Variants in CPSF4 observed in about 807,000 individuals in gnomAD.
The protein encoded by CPSF4 is cleavage and polyadenylation specificity factor subunit 4.
Under a neutral mutation model 37.7 loss-of-function variants are expected in CPSF4, and 11 were observed. The ratio of observed to expected loss-of-function variants is 0.29; its 90% CI spans 0.18 to 0.48. CPSF4 has a LOEUF of 0.48. Ranked by LOEUF, CPSF4 falls within the 20% of genes least tolerant of loss-of-function variation. The probability of loss-of-function intolerance (pLI) is 0.99; values close to 1 mark genes in which losing one functional copy is unlikely to be tolerated. For missense variants in CPSF4, 144 were observed against 359.5 expected (o/e 0.40, Z 4.85); for synonymous variants, 132 against 135.9 (o/e 0.97, Z 0.20).
intron 7 of CPSF4, among the ~76,000 whole-genome samples, chr7:99,455,537 T>G (rs1416421789): frequency 2.6e-5 from 4 of 152,136 alleles, no homozygotes; most frequent in African/African-American, 9.7e-5. Context: ...AAACAGGAAT[T>G]GCAGAGCCAG....
intron 2 of CPSF4, among the ~76,000 whole-genome samples, chr7:99,446,081 A>G (rs1351816106): frequency 2.0e-5 from 3 of 152,216 alleles, no homozygotes; most frequent in African/African-American, 4.8e-5. Context: ...TTTTGCTTCT[A>G]TAACGTAGTC....
rs377196476 is a variant in CPSF4, at chr7:99,439,191, C to T, written c.103+6C>T. On this transcript the variant is annotated splice_donor_region_variant and intron_variant, in intron 1 of 7. Transcript: ENST00000292476. ...GCCCTTCCCCGGCATGGACAGTGAG[C>T]GCGGGGCCCGGGCGGGAGGGCAAGA... 4.7e-5 allele frequency: 74 copies of T among 1,590,732 alleles called. No individual in the cohort carries two copies. The highest frequency in any genetic ancestry group is 3.5e-4 in the Middle Eastern group (2 of 5,660).
intron 1 of CPSF4, among the ~76,000 whole-genome samples, chr7:99,442,295 C>T (rs1797053078): frequency 6.6e-6 from 1 of 152,170 alleles, no homozygotes. Context: ...CACTGAATTC[C>T]AGCACACTCC....
At chr7:99,446,406 A>G (rs1299926272) in intron 2 of CPSF4, among the ~76,000 whole-genome samples, 1 of 152,204 alleles carries the variant, frequency 6.6e-6, no homozygotes, top group Non-Finnish European at 1.5e-5. Flanking sequence ...ACATGGGGCT[A>G]GCAGCTGCCA....
rs921162705 is a variant in CPSF4, at chr7:99,453,768, A to G, written c.571-198A>G. 4 of 593,884 alleles carry G rather than the reference A, an allele frequency of 6.7e-6. No homozygotes were observed. Among genetic ancestry groups the G allele is most frequent in the Non-Finnish European group, 1.2e-5 (4 of 335,728 alleles). The allele number at this position is 593,884 out of a possible 1,614,324, so 36.8% of individuals were successfully genotyped here. A position where few individuals can be genotyped will look rare whatever the true frequency, so the allele number is the denominator to read the frequency against. ...TTATTTTTCGTTTTTGTGTGTCTGC[A>G]TGGTGTTTTTCGGGCAGTGGCTTCT... On this transcript the variant is annotated intron_variant, in intron 6 of 7. Transcript: ENST00000292476. The surrounding 1 kb of genome is among the most constrained non-coding windows in gnomAD (Gnocchi z 4.7).
chr7:99,452,301 C>T (rs1227512403), intron 5 of CPSF4, 67 bp from the exon 6 acceptor site: 5 of 1,329,924 alleles, frequency 3.8e-6, no homozygotes, highest in South Asian at 3.5e-5. Context: ...CATGGCCTGG[C>T]TTCTCTTCTC....
At chr7:99,451,492 C>G (rs1433974084) in intron 5 of CPSF4, among the ~76,000 whole-genome samples, 1 of 152,184 alleles carries the variant, frequency 6.6e-6, no homozygotes, top group Admixed American at 6.5e-5. Context: ...GTAGTCCCAG[C>G]TACTTGGGAG....
Position 99,457,076 on chromosome 7 carries a change from G to A in CPSF4, c.*576G>A, listed in dbSNP as rs1335299048. ...AGGGGTACAGGGCTCTCAAGCCTGA[G>A]GTTTTCTTCTCTGGGCTTAATTTTC... On this transcript the variant is annotated 3_prime_UTR_variant, in exon 8 of 8. Transcript: ENST00000292476. The A allele has an allele frequency of 1.1e-5, 2 of 184,846 alleles. No individual in the cohort carries two copies. The highest frequency in any genetic ancestry group is 1.1e-4 in the Admixed American group (2 of 18,750). 11.5% of individuals were successfully genotyped at this position (184,846 alleles called of 1,614,324 possible).
chr7:99,454,937 C>T (rs1405184285), intron 7 of CPSF4, among the ~76,000 whole-genome samples: 1 of 152,136 alleles, frequency 6.6e-6, no homozygotes, highest in East Asian at 1.9e-4. Context: ...CGCCTGTAGT[C>T]CCAGCTACTG....
chr7:99,452,562 C>T (rs1798010415), intron 6 of CPSF4, 122 bp downstream of exon 6: 2 of 847,040 alleles, frequency 2.4e-6, no homozygotes, highest in Non-Finnish European at 1.9e-6. Context: ...GGAGGGGAGT[C>T]TCCCAAGTTC....
intron 2 of CPSF4, among the ~76,000 whole-genome samples, chr7:99,446,708 A>AGT (rs1256503050): frequency 7.0e-6 from 1 of 142,304 alleles, no homozygotes; most frequent in African/African-American, 2.7e-5. Context: ...CCTGGGCCCA[A>AGT]GTGATCCTCC....
At chr7:99,450,593 G>A (rs1442352920) in intron 4 of CPSF4, 109 bp from the exon 5 acceptor site, 2 of 950,732 alleles carry the variant, frequency 2.1e-6, no homozygotes, top group African/African-American at 3.2e-5. Flanking sequence ...GGGAGGTGAG[G>A]TCCCTGCCCC....
Position 99,453,823 on chromosome 7 carries a change from C to T in CPSF4, c.571-143C>T. ...TCATCACCACATGTTTCTCTGCTGC[C>T]CACTGTCCTGAGGTGGGCCGTCGTG... On this transcript the variant is annotated intron_variant, in intron 6 of 7. Transcript: ENST00000292476. The surrounding 1 kb of genome is among the most constrained non-coding windows in gnomAD (Gnocchi z 4.7). 5.7e-6 allele frequency: 4 copies of T among 697,216 alleles called. No individual in the cohort carries two copies. Among genetic ancestry groups the T allele is most frequent in the Non-Finnish European group, 9.9e-6 (4 of 404,418 alleles). The allele number at this position is 697,216 out of a possible 1,614,324, so 43.2% of individuals were successfully genotyped here. A position where few individuals can be genotyped will look rare whatever the true frequency, so the allele number is the denominator to read the frequency against.
At chr7:99,456,390 G>GT in intron 7 of CPSF4, 42 bp from the exon 8 acceptor site, 1 of 1,586,956 alleles carries the variant, frequency 6.3e-7, no homozygotes, top group Non-Finnish European at 8.7e-7. Context: ...GAACAGTGTT[G>GT]TTGTCTGTCT....
intron 5 of CPSF4, among the ~76,000 whole-genome samples, chr7:99,451,819 C>G (rs994829215): frequency 1.3e-5 from 2 of 152,224 alleles, no homozygotes; most frequent in African/African-American, 4.8e-5. Flanking sequence ...CTCGCCCACA[C>G]TGCTGAACCT....
At position 99,449,909 on chromosome 7, in the gene CPSF4, C is replaced by A. The variant is rs186672133; in HGVS notation, c.308-367C>A. ...GTTTGCATTTCCTCTGGATTTTGAG[C>A]ACAGTTGTAAACATGGATTGGAGAA... On this transcript the variant is annotated intron_variant, in intron 3 of 7. Coordinates refer to ENST00000292476, the MANE Select transcript of CPSF4 (RefSeq NM_006693.4). 2.0e-5 allele frequency among the ~76,000 whole-genome samples: 3 copies of A among 152,184 alleles called. No homozygotes were observed. In the East Asian group the frequency reaches 5.8e-4, roughly 29 times the overall value.
At chr7:99,440,493 C>G (rs933848833) in intron 1 of CPSF4, among the ~76,000 whole-genome samples, 2 of 151,578 alleles carry the variant, frequency 1.3e-5, no homozygotes, top group African/African-American at 4.9e-5. Flanking sequence ...GGACCACAGG[C>G]ATGCACCAAC....
At chr7:99,444,179 G>A (rs1009424373) in intron 1 of CPSF4, among the ~76,000 whole-genome samples, 1 of 152,040 alleles carries the variant, frequency 6.6e-6, no homozygotes, top group Non-Finnish European at 1.5e-5. Flanking sequence ...CTGTGTGTCA[G>A]GCACTTTGGC....
intron 1 of CPSF4, among the ~76,000 whole-genome samples, chr7:99,442,672 A>AC (rs1265657250): frequency 2.6e-5 from 4 of 151,248 alleles, no homozygotes; most frequent in African/African-American, 9.7e-5. Flanking sequence ...AAAAAAAAAA[A>AC]AAACAAAAAA....
Sources: gnomAD v4.1 joint callset for allele counts (sites outside exome capture counted in the v4.1 genomes callset) on GRCh38, gnomAD v4.1.1 for gene constraint, Gnocchi (gnomAD v3.1) non-coding constraint, MANE v1.5 for transcripts, NCBI Gene and HGNC (gene_info 2026-07-23, HGNC 2026-07-21) for gene names.